ZNF596: variants seen among roughly 807,000 people sequenced by gnomAD.
ZNF596 encodes the protein zinc finger protein 596.
ZNF596 carries 45 observed loss-of-function variants against 48.3 expected under a neutral mutation model. The ratio of observed to expected loss-of-function variants is 0.93; its 90% CI spans 0.73 to 1.19. ZNF596 has a LOEUF of 1.19. Among genes scored for constraint, ZNF596 ranks in the 50% most tolerant of loss-of-function variants. ZNF596 has a pLI of 0.00. For synonymous variants in ZNF596, 270 were observed against 202.0 expected (o/e 1.34, Z -2.85); for missense variants, 848 against 599.7 (o/e 1.41, Z -4.32).
intron 1 of ZNF596, chr8:237,252 A>C (rs1352443780): frequency 6.6e-6 from 1 of 152,012 alleles, no homozygotes; most frequent in East Asian, 1.9e-4. Flanking sequence ...TTTTGCTCTC[A>C]AAACTTTTTA....
chr8:241,072 A>G (rs12114342), intron 2 of ZNF596, among the ~76,000 whole-genome samples, 165 bp downstream of exon 2: 2,571 of 152,318 alleles, frequency 0.017, 61 homozygotes, highest in African/African-American at 0.06. Context: ...AGAGTCATCA[A>G]GAAGTAATGT....
intron 1 of ZNF596, chr8:240,390 G>A (rs983719072): frequency 3.0e-5 from 5 of 167,350 alleles, no homozygotes; most frequent in African/African-American, 1.2e-4. Flanking sequence ...ACCAGCAGAA[G>A]GGAGAAGGAA....
intron 1 of ZNF596, 31 bp from the exon 2 acceptor site, chr8:240,792 GT>G: frequency 2.7e-6 from 4 of 1,466,432 alleles, no homozygotes; most frequent in Non-Finnish European, 3.8e-6. Context: ...GAGTGTCATG[GT>G]TTTTTTGTTT....
chr8:237,358 T>G (rs1294343684), intron 1 of ZNF596: 2 of 152,174 alleles, frequency 1.3e-5, no homozygotes, highest in East Asian at 3.8e-4. Flanking sequence ...TGTACTGAAT[T>G]TGTAACAATT....
chr8:245,578 C>T lies in ZNF596; in HGVS notation c.731C>T (p.Thr244Ile), dbSNP rs762061390. Residue 244 changes from threonine to isoleucine, a missense_variant, in exon 6 of 6, where the codon ACT (threonine) becomes ATT (isoleucine). Coordinates refer to ENST00000398612, the MANE Select transcript of ZNF596 (RefSeq NM_001042416.3). ...TCTGATCTTCGAAAACATGAGAGAA[C>T]TCACACTGGAGAGAAGCCATATGGA... Reference protein sequence around the residue: ...HCSDLRKHERTHTGEKPYGCH... With the variant: ...HCSDLRKHERIHTGEKPYGCH... 2.4e-5 allele frequency: 39 copies of T among 1,613,724 alleles called. No homozygotes were observed. The highest frequency in any genetic ancestry group is 5.9e-6 in the Non-Finnish European group (7 of 1,179,958).
Position 245,219 on chromosome 8 carries a change from A to G in ZNF596, c.372A>G (p.Ile124Met), listed in dbSNP as rs1797015455. 8.1e-6 allele frequency: 13 copies of G among 1,613,780 alleles called. No homozygotes were observed. Among genetic ancestry groups the G allele is most frequent in the Non-Finnish European group, 1.1e-5 (13 of 1,179,838 alleles). The change falls in exon 6 of 6, where the codon ATA becomes ATG. Residue 124 changes from isoleucine to methionine, a missense_variant. Physicochemically the swap from Ile to Met is conservative, Grantham distance 10. Coordinates refer to ENST00000398612, the MANE Select transcript of ZNF596 (RefSeq NM_001042416.3). Reference sequence around the variant, plus strand: ...TAGGAGAAGATTTCACTCAACATATAGCATTGACTCAAAATGTGATTACCT... The same window carrying G: ...TAGGAGAAGATTTCACTCAACATATGGCATTGACTCAAAATGTGATTACCT... Reference protein sequence around the residue: ...NDLGEDFTQHIALTQNVITYM... With the variant: ...NDLGEDFTQHMALTQNVITYM...
chr8:237,530 T>C (rs1421079598), intron 1 of ZNF596: 4 of 152,182 alleles, frequency 2.6e-5, no homozygotes, highest in Non-Finnish European at 5.9e-5. Context: ...AATACCCCTT[T>C]GATTTTACTG....
chr8:243,605 C>A, intron 3 of ZNF596, 117 bp from the exon 4 acceptor site: 3 of 893,758 alleles, frequency 3.4e-6, no homozygotes, highest in Non-Finnish European at 5.3e-6. Flanking sequence ...AGGTACTCTT[C>A]CCAGGCTGAC....
At chr8:240,733 G>T in intron 1 of ZNF596, 91 bp from the exon 2 acceptor site, 2 of 792,038 alleles carry the variant, frequency 2.5e-6, no homozygotes, top group East Asian at 2.6e-5. Flanking sequence ...TGTCCTTGTT[G>T]GTTGGACTGG....
rs915571593 is a variant in ZNF596 at position 246,461 on chromosome 8, T to C, written c.*99T>C. ...AGTGTGGAAAAGCCTTTATTTATAT[T>C]TACCACTTTGCTCAACCTAAATGAA... On this transcript the variant is annotated 3_prime_UTR_variant, in exon 6 of 6. Coordinates refer to ENST00000398612, the MANE Select transcript of ZNF596 (RefSeq NM_001042416.3). 6.9e-7 allele frequency: 1 copy of C among 1,444,638 alleles called. No individual in the cohort carries two copies. The highest frequency in any genetic ancestry group is 9.2e-7 in the Non-Finnish European group (1 of 1,085,028). The allele number at this position is 1,444,638 out of a possible 1,614,324, so 89.5% of individuals were successfully genotyped here.
intron 2 of ZNF596, among the ~76,000 whole-genome samples, chr8:242,221 A>G (rs1796880281): frequency 6.6e-6 from 1 of 152,118 alleles, no homozygotes. Context: ...CTGCTGAGCC[A>G]TTCATCCTTA....
In ZNF596 at chr8:245,820, C is replaced by T. The variant is rs1302690433; in HGVS notation, c.973C>T (p.His325Tyr). The T allele has an allele frequency of 6.2e-7, 1 of 1,614,084 alleles. No individual in the cohort carries two copies. Among genetic ancestry groups the T allele is most frequent in the South Asian group, 1.1e-5 (1 of 91,084 alleles). ...AFSKCSYLRQ[H>Y]ERTHNGEKPY... ...CAGTAAATGTTCTTACCTTAGACAA[C>T]ATGAAAGAACTCACAATGGAGAGAA... is the stretch of plus-strand genomic sequence containing the variant. Residue 325 changes from histidine to tyrosine, a missense_variant, in exon 6 of 6, where the codon CAT becomes TAT. Coordinates refer to ENST00000398612, the MANE Select transcript of ZNF596 (RefSeq NM_001042416.3).
At chr8:239,137 A>G (rs1796745734) in intron 1 of ZNF596, among the ~76,000 whole-genome samples, 1 of 152,168 alleles carries the variant, frequency 6.6e-6, no homozygotes, top group African/African-American at 2.4e-5. Flanking sequence ...GAATTTTTTA[A>G]AAGTGAAGAA....
chr8:241,233 A>C (rs958409259), intron 2 of ZNF596, among the ~76,000 whole-genome samples: 2 of 152,058 alleles, frequency 1.3e-5, no homozygotes, highest in Non-Finnish European at 2.9e-5. Context: ...CTCATTACCT[A>C]TGTTATTGGC....
chr8:240,846 T>C lies in ZNF596; in HGVS notation c.-50T>C, dbSNP rs1181183115. The C allele has an allele frequency of 3.7e-6, 6 of 1,612,112 alleles. No individual in the cohort carries two copies. Among genetic ancestry groups the C allele is most frequent in the Non-Finnish European group, 5.1e-6 (6 of 1,178,192 alleles). On this transcript the variant is annotated 5_prime_UTR_variant, in exon 2 of 6. It removes an upstream start codon present in the reference 5' UTR. Transcript: ENST00000398612. ...CAGATTTGTCTTCTTAGTGCTTGGA[T>C]GGTGTGAGTGAAAACCCAGAGGAAT...
intron 3 of ZNF596, 69 bp downstream of exon 3, chr8:243,082 A>T: frequency 6.9e-7 from 1 of 1,440,162 alleles, no homozygotes. Flanking sequence ...TCACTGATTC[A>T]TTCTTTCATT....
At chr8:233,343 G>C (rs1396943942) in intron 1 of ZNF596, 4 of 323,090 alleles carry the variant, frequency 1.2e-5, no homozygotes, top group South Asian at 2.9e-5. Context: ...TTCCAAATTA[G>C]TTTCCCTTTT....
rs1438976005 is a variant in ZNF596 at position 245,862 on chromosome 8, CT to C, written c.1016del (p.Leu339HisfsTer164). On this transcript the variant is annotated frameshift_variant, in exon 6 of 6. Transcript: ENST00000398612. LOFTEE classifies it high-confidence loss of function. ...HNGEKPYECH[L>X]CGKAFSHCSH... is the part of the protein sequence containing the mutation. ...TGGAGAGAAACCATATGAATGTCATCTATGTGGAAAAGCCTTCTCTCATTGT... is the reference window on the plus strand; with the variant it reads ...TGGAGAGAAACCATATGAATGTCATCATGTGGAAAAGCCTTCTCTCATTGT... 19 of 1,613,836 alleles carry C rather than the reference CT, an allele frequency of 1.2e-5. No homozygotes were observed. Among genetic ancestry groups the C allele is most frequent in the Non-Finnish European group, 1.6e-5 (19 of 1,179,978 alleles).
In ZNF596 at chr8:245,390, C is replaced by T. The variant is rs1344754797; in HGVS notation, c.543C>T (p.Ala181=). 6.2e-7 allele frequency: 1 copy of T among 1,614,124 alleles called. No homozygotes were observed. Among genetic ancestry groups the T allele is most frequent in the East Asian group, 2.2e-5 (1 of 44,876 alleles). ...LFDYAFIQNS[A]LRPHSVTHTR... ...ATTATGCCTTTATCCAAAACTCTGC[C>T]CTTAGACCACACAGTGTGACTCACA... The change falls in exon 6 of 6, where the codon GCC becomes GCT. Residue 181 remains alanine (A), a synonymous_variant. Transcript: ENST00000398612.
Sources: gnomAD v4.1 joint callset for allele counts (sites outside exome capture counted in the v4.1 genomes callset) on GRCh38, gnomAD v4.1.1 for gene constraint, MANE v1.5 for transcripts, NCBI Gene and HGNC (gene_info 2026-07-23, HGNC 2026-07-21) for gene names.